Variants in SYNE2 observed in about 807,000 individuals in gnomAD.
The protein encoded by SYNE2 is spectrin repeat containing nuclear envelope protein 2, also known as nesprin-2.
Under a neutral mutation model 856.3 loss-of-function variants are expected in SYNE2, and 431 were observed. That is an observed-to-expected ratio of 0.50 (90% CI 0.47 to 0.55). The LOEUF is 0.55. SYNE2 is among the 20% of genes least tolerant of loss of function. The pLI is 0.00. For missense variants in SYNE2, 8,129 were observed against 8,023.2 expected, an observed-to-expected ratio of 1.01 and a Z score of -0.50; for synonymous variants, 2,923 against 2,872.3, an observed-to-expected ratio of 1.02 and a Z score of -0.56.
intron 87 of SYNE2, among the ~76,000 whole-genome samples, chr14:64,160,765 C>G (rs544217033): frequency 6.6e-6 from 1 of 152,250 alleles, no homozygotes; most frequent in Admixed American, 6.5e-5. Context: ...CAAATATTTA[C>G]ATCTTTATAT....
In SYNE2 at chr14:63,786,272, G is replaced by A. The variant is rs180700339; in HGVS notation, c.-305+24286G>A. Among the ~76,000 whole-genome samples the A allele has an allele frequency of 2.5e-3, 381 of 152,032 alleles. 2 individuals carry two copies. Among genetic ancestry groups the A allele is most frequent in the African/African-American group, 8.6e-3 (357 of 41,474 alleles). ...CAAAAAAAAAAAATAGCTGGGCATG[G>A]TGGCATGAGCCTGTGGTCCCAGCTA... On this transcript the variant is annotated intron_variant, in intron 1 of 23. Coordinates refer to the SYNE2 transcript ENST00000674003.
At position 64,049,736 on chromosome 14, in the gene SYNE2, G is replaced by A. The variant is rs2153573771; in HGVS notation, c.7503G>A (p.Leu2501=). The A allele has an allele frequency of 6.2e-7, 1 of 1,614,082 alleles. No individual in the cohort carries two copies. Among genetic ancestry groups the A allele is most frequent in the Non-Finnish European group, 8.5e-7 (1 of 1,180,004 alleles). The change falls in exon 47 of 116, where the codon TTG becomes TTA. Residue 2501 remains leucine, a synonymous_variant. Coordinates refer to ENST00000555002, the MANE Select transcript of SYNE2 (RefSeq NM_182914.3). The part of the protein sequence containing the change: ...LHNIGYSAQH[L]DNLLQALITL... ...ATATAGGATATTCGGCACAGCATTT[G>A]GACAATTTGCTTCAGGCACTTATTA...
chr14:63,917,133 G>A (rs1402054639), intron 2 of SYNE2, among the ~76,000 whole-genome samples: 1 of 152,042 alleles, frequency 6.6e-6, no homozygotes, highest in Non-Finnish European at 1.5e-5. Flanking sequence ...CTTCTGGGTG[G>A]AATTTCTACC....
intron 2 of SYNE2, among the ~76,000 whole-genome samples, chr14:63,922,073 G>A (rs551670839): frequency 1.3e-4 from 20 of 152,148 alleles, no homozygotes; most frequent in African/African-American, 3.9e-4. Flanking sequence ...GCACGATCAC[G>A]GCTCACTGTG....
intron 1 of SYNE2, among the ~76,000 whole-genome samples, chr14:63,813,101 C>A (rs1269651475): frequency 6.6e-6 from 1 of 152,100 alleles, no homozygotes; most frequent in Non-Finnish European, 1.5e-5. Context: ...GGCTTCCTAG[C>A]CTTCAGAGGT....
At chr14:63,959,288 T>TTC (rs2096279557) in intron 8 of SYNE2, among the ~76,000 whole-genome samples, 1 of 72,634 alleles carries the variant, frequency 1.4e-5, no homozygotes, top group Non-Finnish European at 2.5e-5. Context: ...TTTCTTCTTC[T>TTC]TTTTTTTTTT....
chr14:64,167,159 G>C (rs1049994450), intron 90 of SYNE2, 74 bp from the exon 91 acceptor site: 46 of 1,596,378 alleles, frequency 2.9e-5, no homozygotes, highest in Admixed American at 8.4e-5. Flanking sequence ...TTATCTTTGA[G>C]GTAAGGAGGG....
chr14:64,136,769 T>A (rs531582144), intron 78 of SYNE2, among the ~76,000 whole-genome samples: 31 of 152,358 alleles, frequency 2.0e-4, no homozygotes, highest in African/African-American at 7.5e-4. Flanking sequence ...TTTTTCTGCC[T>A]AGTATTCGCA....
In SYNE2 at chr14:63,818,653, G is replaced by A. The variant is rs201831931; in HGVS notation, c.-304-33848G>A. Among the ~76,000 whole-genome samples, 494 of 151,134 alleles carry A rather than the reference G, an allele frequency of 3.3e-3. 4 individuals are homozygous for A. The highest frequency in any genetic ancestry group is 0.011 in the African/African-American group (463 of 41,312). On this transcript the variant is annotated intron_variant, in intron 1 of 23. Coordinates refer to the SYNE2 transcript ENST00000674003. Reference sequence around the variant, plus strand: ...TAAAAGATTAAAGGTTTTTCCCTAAGTATAGGAACAAGGCAAAGATATCCA... The same window carrying A: ...TAAAAGATTAAAGGTTTTTCCCTAAATATAGGAACAAGGCAAAGATATCCA...
At chr14:63,879,606 A>G (rs1197965408) in intron 1 of SYNE2, among the ~76,000 whole-genome samples, 1 of 152,240 alleles carries the variant, frequency 6.6e-6, no homozygotes, top group African/African-American at 2.4e-5. Context: ...TAGGAAAGAG[A>G]GAGTGGTAAT....
intron 96 of SYNE2, among the ~76,000 whole-genome samples, chr14:64,183,991 GA>G (rs971211454): frequency 6.8e-6 from 1 of 146,894 alleles, no homozygotes; most frequent in Non-Finnish European, 1.5e-5. Flanking sequence ...GGGAGGGGGA[GA>G]GGGAGAGGGA....
chr14:63,967,851 CTGTT>C lies in SYNE2; in HGVS notation c.1128+9_1128+12del, dbSNP rs756423041. 17 of 1,613,706 alleles carry C rather than the reference CTGTT, an allele frequency of 1.1e-5. No homozygotes were observed. Among genetic ancestry groups the C allele is most frequent in the Non-Finnish European group, 1.4e-5 (16 of 1,179,802 alleles). ...TGGGATGGCCTCGATCACCAGGTGA[CTGTT>C]TGTGTTGATTAGAAGAATATTTTCA... is the stretch of plus-strand genomic sequence containing the variant. On this transcript the variant is annotated splice_donor_region_variant and intron_variant, in intron 11 of 115. Coordinates refer to ENST00000555002, the MANE Select transcript of SYNE2 (RefSeq NM_182914.3).
chr14:64,001,631 G>A (rs1713454217), intron 28 of SYNE2, among the ~76,000 whole-genome samples: 1 of 152,156 alleles, frequency 6.6e-6, no homozygotes, highest in African/African-American at 2.4e-5. Flanking sequence ...CTGGCCCAGT[G>A]GGTCATGGTT....
chr14:64,069,373 G>C (rs1011141044), intron 51 of SYNE2, among the ~76,000 whole-genome samples: 1 of 152,204 alleles, frequency 6.6e-6, no homozygotes, highest in African/African-American at 2.4e-5. Context: ...ACTGAATTTA[G>C]GTTTGAGGTG....
intron 1 of SYNE2, among the ~76,000 whole-genome samples, chr14:63,843,058 C>T (rs1243472286): frequency 6.6e-6 from 1 of 151,744 alleles, no homozygotes; most frequent in African/African-American, 2.4e-5. Context: ...GATAGGGTCT[C>T]ATTCTGTCAC....
At chr14:63,983,624 T>C in intron 17 of SYNE2, 113 bp from the exon 18 acceptor site, 1 of 871,530 alleles carries the variant, frequency 1.1e-6, no homozygotes, top group Admixed American at 2.3e-5. Context: ...AACACTGTTG[T>C]AGTTTAATCC....
intron 57 of SYNE2, among the ~76,000 whole-genome samples, chr14:64,082,375 A>G (rs1489258646): frequency 6.6e-6 from 1 of 152,120 alleles, no homozygotes; most frequent in Non-Finnish European, 1.5e-5. Flanking sequence ...TAATACTTAC[A>G]TTCCAAAATT....
At chr14:64,206,970 T>C (rs74058381) in intron 100 of SYNE2, among the ~76,000 whole-genome samples, 2,083 of 152,338 alleles carry the variant, frequency 0.014, 52 homozygotes, top group African/African-American at 0.048. Context: ...TGGAATTTTA[T>C]TTAGATGTAA....
In SYNE2 at chr14:64,225,061, C is replaced by T. The variant is rs548855641; in HGVS notation, c.20516+16C>T. The T allele has an allele frequency of 1.9e-5, 30 of 1,613,642 alleles. No homozygotes were observed. The highest frequency in any genetic ancestry group is 4.5e-5 in the East Asian group (2 of 44,862). On this transcript the variant is annotated intron_variant, in intron 115 of 115. Transcript: ENST00000555002. ...CAGAGAGCAGGTAACGGGGCTTTAC[C>T]GTGACAGCAGTGCGTTCCCCTGCTC...
Sources: allele counts gnomAD v4.1 joint callset (sites outside exome capture counted in the v4.1 genomes callset), GRCh38; gene constraint gnomAD v4.1.1; transcripts MANE v1.5; gene names NCBI Gene and HGNC (gene_info 2026-07-23, HGNC 2026-07-21).